The following SLC35D2 variants were observed in gnomAD, a reference collection of about 807,000 sequenced individuals.
SLC35D2 encodes nucleotide sugar transporter SLC35D2.
SLC35D2 carries 43 observed loss-of-function variants against 41.8 expected under a neutral mutation model. The observed-to-expected ratio is 1.03, with a 90% CI of 0.81 to 1.33. SLC35D2 has a LOEUF of 1.33. Among genes scored for constraint, SLC35D2 ranks in the 40% most tolerant of loss-of-function variants. The probability of loss-of-function intolerance (pLI) is 0.00; values close to 1 mark genes in which losing one functional copy is unlikely to be tolerated. For missense variants in SLC35D2, 380 were observed against 408.4 expected, an observed-to-expected ratio of 0.93 and a Z score of 0.60; for synonymous variants, 150 against 163.9, an observed-to-expected ratio of 0.92 and a Z score of 0.65.
At chr9:96,380,623 A>T (rs1001970429) in intron 1 of SLC35D2, among the ~76,000 whole-genome samples, 1 of 150,800 alleles carries the variant, frequency 6.6e-6, no homozygotes, top group Non-Finnish European at 1.5e-5. Context: ...ATGCCCAGCT[A>T]GTTTTTTTTT....
chr9:96,333,165 G>A (rs1828886887), intron 9 of SLC35D2, among the ~76,000 whole-genome samples: 1 of 151,400 alleles, frequency 6.6e-6, no homozygotes, highest in African/African-American at 2.4e-5. Flanking sequence ...CCAAAGTGCT[G>A]GGATTACAGG....
chr9:96,337,164 G>A (rs1829084447), intron 8 of SLC35D2, among the ~76,000 whole-genome samples: 1 of 152,142 alleles, frequency 6.6e-6, no homozygotes, highest in African/African-American at 2.4e-5. Context: ...CAAATTCAAG[G>A]TTGGGTTTAT....
At position 96,358,078 on chromosome 9, in the gene SLC35D2, T is replaced by TATATATATATATA. The variant is rs1491320526; in HGVS notation, c.347+2075_347+2076insTATATATATATAT. On this transcript the variant is annotated intron_variant, in intron 4 of 11. Coordinates refer to ENST00000253270, the MANE Select transcript of SLC35D2 (RefSeq NM_007001.3). ...AAATGGATAAACAAAATATTATATA[T>TATATATATATATA]TTTATATATATATATATATATATAT... 2.1e-3 allele frequency among the ~76,000 whole-genome samples: 163 copies of TATATATATATATA among 79,174 alleles called. 1 individual carries two copies. Among genetic ancestry groups the TATATATATATATA allele is most frequent in the African/African-American group, 0.01 (153 of 14,886 alleles). The allele number at this position is 79,174 out of a possible 152,430, so 51.9% of individuals were successfully genotyped here. A position where few individuals can be genotyped will look rare whatever the true frequency, so the allele number is the denominator to read the frequency against.
At chr9:96,366,517 A>ATTTTTTTTTTTTTTT (rs34820429) in intron 2 of SLC35D2, among the ~76,000 whole-genome samples, 1 of 103,612 alleles carries the variant, frequency 9.7e-6, no homozygotes, top group Admixed American at 1.2e-4. Flanking sequence ...CTTATCACTG[A>ATTTTTTTTTTTTTTT]TTTTTTTTTT....
At chr9:96,363,916 C>T (rs1390671398) in intron 3 of SLC35D2, among the ~76,000 whole-genome samples, 1 of 152,168 alleles carries the variant, frequency 6.6e-6, no homozygotes, top group Non-Finnish European at 1.5e-5. Context: ...CTCTCACTTC[C>T]CAAGACACAC....
At chr9:96,381,740 T>G (rs1490004218) in intron 1 of SLC35D2, among the ~76,000 whole-genome samples, 2 of 152,196 alleles carry the variant, frequency 1.3e-5, no homozygotes, top group African/African-American at 2.4e-5. Flanking sequence ...GAAAACACTG[T>G]TCTCCTCGAA....
At chr9:96,340,901 T>C (rs969349636) in intron 8 of SLC35D2, among the ~76,000 whole-genome samples, 3 of 152,162 alleles carry the variant, frequency 2.0e-5, no homozygotes, top group Non-Finnish European at 4.4e-5. Context: ...TCTGATCAAA[T>C]AGAAGAGGCT....
intron 2 of SLC35D2, among the ~76,000 whole-genome samples, chr9:96,366,987 G>A (rs967349251): frequency 2.7e-5 from 4 of 150,084 alleles, no homozygotes; most frequent in Admixed American, 6.6e-5. Flanking sequence ...TTGGGAGGCC[G>A]AGGTGGGTGG....
At chr9:96,364,606 G>T in intron 2 of SLC35D2, 56 bp from the exon 3 acceptor site, 1 of 978,502 alleles carries the variant, frequency 1.0e-6, no homozygotes, top group Non-Finnish European at 1.6e-6. Flanking sequence ...ATTGCTTGAG[G>T]TACAATGACA....
chr9:96,369,783 C>G (rs542443729), intron 1 of SLC35D2, among the ~76,000 whole-genome samples: 8 of 152,288 alleles, frequency 5.3e-5, no homozygotes, highest in African/African-American at 1.9e-4. Flanking sequence ...TGGCTCAACC[C>G]TTCACTGGCT....
chr9:96,370,436 C>T (rs1830629698), intron 1 of SLC35D2, among the ~76,000 whole-genome samples: 1 of 152,186 alleles, frequency 6.6e-6, no homozygotes, highest in Non-Finnish European at 1.5e-5. Flanking sequence ...GTGAGCAGAT[C>T]ACCTGAGGTC....
At chr9:96,333,889 G>A (rs112387005) in intron 9 of SLC35D2, among the ~76,000 whole-genome samples, 2 of 152,204 alleles carry the variant, frequency 1.3e-5, no homozygotes, top group African/African-American at 4.8e-5. Context: ...GGCTTAGCCA[G>A]GGAAAGGTGC....
chr9:96,361,577 T>C (rs182395367), intron 3 of SLC35D2, among the ~76,000 whole-genome samples: 1,976 of 152,054 alleles, frequency 0.013, 23 homozygotes, highest in Non-Finnish European at 0.02. Flanking sequence ...CCCAGCTACT[T>C]GGGAGGCTGA....
chr9:96,328,986 G>A (rs1828676715), intron 9 of SLC35D2, among the ~76,000 whole-genome samples: 1 of 151,720 alleles, frequency 6.6e-6, no homozygotes, highest in African/African-American at 2.4e-5. Flanking sequence ...TACTCAGGAG[G>A]CTGAGGCAGG....
intron 6 of SLC35D2, among the ~76,000 whole-genome samples, chr9:96,348,785 C>G (rs1017789712): frequency 1.7e-4 from 26 of 152,292 alleles, no homozygotes; most frequent in Admixed American, 1.1e-3. Flanking sequence ...CCGATTTACC[C>G]TTTTAGATTG....
At chr9:96,375,412 T>A (rs879768433) in intron 1 of SLC35D2, among the ~76,000 whole-genome samples, 1 of 151,016 alleles carries the variant, frequency 6.6e-6, no homozygotes, top group African/African-American at 2.4e-5. Flanking sequence ...ACCCCGTCTC[T>A]ACTAAAAATA....
In SLC35D2 at chr9:96,360,227, A is replaced by G. The variant is rs745808461; in HGVS notation, c.280-6T>C. On this transcript the variant is annotated splice_polypyrimidine_tract_variant and splice_region_variant and intron_variant, in intron 3 of 11. Transcript: ENST00000253270. ...AGGAGAGGCAGAGGAAACAGCTTCCATTAAAAAAAAAAGAAGAAATATTTG... is the reference window on the plus strand; with the variant it reads ...AGGAGAGGCAGAGGAAACAGCTTCCGTTAAAAAAAAAAGAAGAAATATTTG... 1.2e-6 allele frequency: 2 copies of G among 1,602,856 alleles called. No homozygotes were observed. The highest frequency in any genetic ancestry group is 2.2e-5 in the South Asian group (2 of 90,154).
downstream of SLC35D2, among the ~76,000 whole-genome samples, chr9:96,317,640 AAAG>A (rs1206113640): frequency 1.3e-5 from 2 of 151,502 alleles, no homozygotes; most frequent in East Asian, 4.0e-4. Context: ...AAATTGGAAG[AAAG>A]AAGGAAATTA....
At position 96,320,883 on chromosome 9, in the gene SLC35D2, C is replaced by T. The variant is rs1002433239; in HGVS notation, c.*359G>A. The stretch of plus-strand genomic sequence containing the variant: ...TGGCTGGGACCTTGGGAATCACGGC[C>T]AAGGTGCTGATCAGAAAAGAGTCAC... On this transcript the variant is annotated 3_prime_UTR_variant, in exon 12 of 12. Transcript: ENST00000253270. 6.0e-6 allele frequency: 1 copy of T among 166,410 alleles called. No individual in the cohort carries two copies. The allele number at this position is 166,410 out of a possible 1,614,324, so 10.3% of individuals were successfully genotyped here. A position where few individuals can be genotyped will look rare whatever the true frequency, so the allele number is the denominator to read the frequency against.
Sources: allele counts gnomAD v4.1 joint callset (sites outside exome capture counted in the v4.1 genomes callset), GRCh38; gene constraint gnomAD v4.1.1; transcripts MANE v1.5; gene names NCBI Gene and HGNC (gene_info 2026-07-23, HGNC 2026-07-21).